The following NMNAT2 variants were observed in gnomAD, a reference collection of about 807,000 sequenced individuals.
NMNAT2 encodes the protein nicotinamide nucleotide adenylyltransferase 2, also known as nicotinamide/nicotinic acid mononucleotide adenylyltransferase 2.
NMNAT2 carries 11 observed loss-of-function variants against 41.6 expected under a neutral mutation model. That is an observed-to-expected ratio of 0.26 (90% CI 0.17 to 0.44). The LOEUF is 0.44. NMNAT2 is among the 20% of genes least tolerant of loss of function. The pLI is 1.00. For synonymous variants in NMNAT2, 148 were observed against 151.2 expected (o/e 0.98, Z 0.16); for missense variants, 288 against 407.7 (o/e 0.71, Z 2.53).
At chr1:183,276,560 C>CT (rs1558113720) in intron 8 of NMNAT2, among the ~76,000 whole-genome samples, 2 of 152,198 alleles carry the variant, frequency 1.3e-5, no homozygotes, top group African/African-American at 4.8e-5. Context: ...CCTGGGTCTG[C>CT]CCTTGAGAGG....
At chr1:183,285,900 T>C (rs1203067522) in intron 5 of NMNAT2, among the ~76,000 whole-genome samples, 1 of 152,140 alleles carries the variant, frequency 6.6e-6, no homozygotes, top group Non-Finnish European at 1.5e-5. Flanking sequence ...TGTCACTGGA[T>C]TGATGGCTAA....
chr1:183,295,109 T>G (rs1661652256), intron 1 of NMNAT2, among the ~76,000 whole-genome samples: 1 of 152,186 alleles, frequency 6.6e-6, no homozygotes, highest in Non-Finnish European at 1.5e-5. Flanking sequence ...GTTCAAGCAA[T>G]TCTCATGCCT....
intron 1 of NMNAT2, among the ~76,000 whole-genome samples, chr1:183,367,358 T>G (rs943782389): frequency 7.9e-5 from 12 of 152,174 alleles, no homozygotes; most frequent in African/African-American, 2.7e-4. Flanking sequence ...CTTGGGAGGC[T>G]GAGGCAGGAG....
chr1:183,418,363 G>T lies in NMNAT2; in HGVS notation c.-96C>A, dbSNP rs1248977266. On this transcript the variant is annotated 5_prime_UTR_variant, in exon 1 of 11. Coordinates refer to ENST00000287713, the MANE Select transcript of NMNAT2 (RefSeq NM_015039.4). ...GAGAAAGGAAGGCGAGGCTCCGGCG[G>T]TGGATGCTGTGGACTCCAAGGAGCC... 3.4e-6 allele frequency: 4 copies of T among 1,189,618 alleles called. No individual in the cohort carries two copies. The highest frequency in any genetic ancestry group is 5.0e-6 in the Non-Finnish European group (4 of 803,224). The allele number at this position is 1,189,618 out of a possible 1,614,324, so 73.7% of individuals were successfully genotyped here.
chr1:183,288,938 G>A (rs1270384575), intron 4 of NMNAT2, among the ~76,000 whole-genome samples: 1 of 152,208 alleles, frequency 6.6e-6, no homozygotes, highest in Non-Finnish European at 1.5e-5. Context: ...GAAAGCTGAA[G>A]GGAAGGGAAA....
chr1:183,395,143 G>A (rs560574556), intron 1 of NMNAT2, among the ~76,000 whole-genome samples: 121 of 152,238 alleles, frequency 7.9e-4, no homozygotes, highest in African/African-American at 2.9e-3. Flanking sequence ...CTCTGGACTA[G>A]ACAATGTGCT....
intron 1 of NMNAT2, among the ~76,000 whole-genome samples, chr1:183,339,378 A>T (rs2492290): frequency 0.71 from 108,231 of 152,102 alleles, 38,654 homozygotes; most frequent in East Asian, 0.91. Context: ...ATTACAGGCA[A>T]GAGCCATGGC....
At chr1:183,274,423 T>G (rs900807214) in intron 8 of NMNAT2, among the ~76,000 whole-genome samples, 1 of 152,052 alleles carries the variant, frequency 6.6e-6, no homozygotes, top group Non-Finnish European at 1.5e-5. Context: ...GCGATTCTCC[T>G]GTCTTAGCCT....
chr1:183,283,361 T>TCTCC (rs1380306419), intron 7 of NMNAT2: 1 of 154,280 alleles, frequency 6.5e-6, no homozygotes, highest in Non-Finnish European at 1.4e-5. Flanking sequence ...GACACCTGCG[T>TCTCC]CTCCCACCAT....
At chr1:183,410,184 A>G (rs893927911) in intron 1 of NMNAT2, among the ~76,000 whole-genome samples, 11 of 150,728 alleles carry the variant, frequency 7.3e-5, no homozygotes, top group Non-Finnish European at 1.3e-4. Flanking sequence ...ATAGCCGGGC[A>G]TGATGGCGGG....
chr1:183,261,151 C>T (rs749408365), intron 9 of NMNAT2, 51 bp downstream of exon 9: 9 of 1,604,052 alleles, frequency 5.6e-6, no homozygotes, highest in South Asian at 1.1e-5. Flanking sequence ...GCTGCCAGGA[C>T]TCTCAGAGAA....
chr1:183,362,242 A>G (rs1663322005), intron 1 of NMNAT2, among the ~76,000 whole-genome samples: 2 of 152,194 alleles, frequency 1.3e-5, no homozygotes. Context: ...CCCAGCCTCT[A>G]TAAGAACTTT....
chr1:183,335,226 G>A (rs1412908504), intron 1 of NMNAT2, among the ~76,000 whole-genome samples: 2 of 152,100 alleles, frequency 1.3e-5, no homozygotes, highest in Non-Finnish European at 2.9e-5. Flanking sequence ...GTTAGATCCC[G>A]TCTCTGTTAA....
chr1:183,308,035 A>G (rs1046775724), intron 1 of NMNAT2, among the ~76,000 whole-genome samples: 2 of 152,212 alleles, frequency 1.3e-5, no homozygotes, highest in Non-Finnish European at 2.9e-5. Context: ...AGGCTGGCCT[A>G]CAGTTCTCCA....
chr1:183,298,105 G>C (rs1288935267), intron 1 of NMNAT2, among the ~76,000 whole-genome samples: 4 of 152,156 alleles, frequency 2.6e-5, no homozygotes, highest in Admixed American at 2.6e-4. Context: ...CATACTTAGT[G>C]GTGAAAGATT....
chr1:183,415,905 G>C, intron 1 of NMNAT2, among the ~76,000 whole-genome samples: 1 of 152,176 alleles, frequency 6.6e-6, no homozygotes, highest in Non-Finnish European at 1.5e-5. Flanking sequence ...TAAAGCCATA[G>C]TGAGTGAACA....
chr1:183,362,950 A>G (rs979741011), intron 1 of NMNAT2, among the ~76,000 whole-genome samples: 6 of 152,210 alleles, frequency 3.9e-5, no homozygotes, highest in Non-Finnish European at 7.4e-5. Context: ...ATCCTCATCA[A>G]CACTTGTTAT....
At chr1:183,386,689 C>G (rs1334391886) in intron 1 of NMNAT2, among the ~76,000 whole-genome samples, 1 of 152,022 alleles carries the variant, frequency 6.6e-6, no homozygotes, top group Non-Finnish European at 1.5e-5. Context: ...GCCTTTTTCA[C>G]TTGACATTCT....
chr1:183,336,898 A>C (rs571688773), intron 1 of NMNAT2, among the ~76,000 whole-genome samples: 28 of 152,352 alleles, frequency 1.8e-4, no homozygotes, highest in African/African-American at 6.5e-4. Context: ...ACAATCTACT[A>C]CTTGCAAGAA....
Sources: allele counts gnomAD v4.1 joint callset (sites outside exome capture counted in the v4.1 genomes callset), GRCh38; gene constraint gnomAD v4.1.1; transcripts MANE v1.5; gene names NCBI Gene and HGNC (gene_info 2026-07-23, HGNC 2026-07-21).